The following OR2L13 variants were observed in gnomAD, a reference collection of about 807,000 sequenced individuals.
OR2L13 encodes olfactory receptor 2L13.
OR2L13 carries 14 observed loss-of-function variants against 15.3 expected under a neutral mutation model. That is an observed-to-expected ratio of 0.91 (90% confidence interval 0.60 to 1.43). The LOEUF is 1.43. Among genes scored for constraint, OR2L13 ranks in the 40% most tolerant of loss-of-function variants. The probability of loss-of-function intolerance (pLI) is 0.00; values close to 1 mark genes in which losing one functional copy is unlikely to be tolerated. For missense variants in OR2L13, 367 were observed against 387.9 expected (o/e 0.95, Z 0.45); for synonymous variants, 152 against 142.9 (o/e 1.06, Z -0.45).
chr1:248,003,545 G>C, the OR2L13 span: 1 of 1,612,618 alleles, frequency 6.2e-7, no homozygotes, highest in Non-Finnish European at 8.5e-7. Context: ...GAGCAAAAGA[G>C]TGTGTGTGCT....
chr1:247,971,527 C>G, the OR2L13 span, among the ~76,000 whole-genome samples: 2 of 152,160 alleles, frequency 1.3e-5, no homozygotes, highest in Non-Finnish European at 2.9e-5. Flanking sequence ...TCCATATTCT[C>G]TTTCAGACAC....
chr1:248,027,188 C>G, the OR2L13 span, among the ~76,000 whole-genome samples: 1 of 152,146 alleles, frequency 6.6e-6, no homozygotes, highest in Non-Finnish European at 1.5e-5. Flanking sequence ...AGATAAGGGA[C>G]GAAATAAGCC....
chr1:248,039,057 C>G, the OR2L13 span: 1 of 1,613,982 alleles, frequency 6.2e-7, no homozygotes, highest in African/African-American at 1.3e-5. Flanking sequence ...TCCAAGATCC[C>G]TGCGATCTCC....
the OR2L13 span, among the ~76,000 whole-genome samples, chr1:248,016,248 T>C: frequency 2.0e-5 from 3 of 152,228 alleles, no homozygotes; most frequent in Non-Finnish European, 4.4e-5. Flanking sequence ...ATTTGTAGAA[T>C]TGTAATTATT....
chr1:247,954,860 T>A, the OR2L13 span, among the ~76,000 whole-genome samples: 1 of 152,106 alleles, frequency 6.6e-6, no homozygotes, highest in Non-Finnish European at 1.5e-5. Flanking sequence ...TTTCTCAAAA[T>A]TACAATTATG....
At chr1:248,062,855 T>C in the OR2L13 span, 7 of 152,212 alleles carry the variant, frequency 4.6e-5, no homozygotes, top group African/African-American at 1.7e-4. Context: ...TCCGCAATTA[T>C]ATATTACTAT....
At chr1:248,068,508 C>T in the OR2L13 span, among the ~76,000 whole-genome samples, 2 of 152,030 alleles carry the variant, frequency 1.3e-5, no homozygotes, top group Non-Finnish European at 2.9e-5. Context: ...ACATCACCAT[C>T]ATCAAAGACA....
the OR2L13 span, chr1:247,974,846 A>G: frequency 3.7e-3 from 874 of 234,334 alleles, 6 homozygotes; most frequent in African/African-American, 0.016. Flanking sequence ...TCATTTTGCT[A>G]TTGGCTTTAA....
chr1:248,085,080 C>G, the OR2L13 span, among the ~76,000 whole-genome samples: 2 of 152,110 alleles, frequency 1.3e-5, no homozygotes, highest in African/African-American at 4.8e-5. Flanking sequence ...CAAGCCTGTG[C>G]CAAGCCTTGT....
the OR2L13 span, among the ~76,000 whole-genome samples, chr1:247,998,869 T>C: frequency 1.3e-5 from 2 of 152,212 alleles, no homozygotes; most frequent in East Asian, 3.9e-4. Context: ...ATAATAGAAA[T>C]ATCTGCCTTA....
chr1:248,083,026 A>T, the OR2L13 span, among the ~76,000 whole-genome samples: 61 of 152,350 alleles, frequency 4.0e-4, 1 homozygote, highest in East Asian at 1.9e-4. Flanking sequence ...TAAATTTAAA[A>T]AGGTTTGCCT....
the OR2L13 span, among the ~76,000 whole-genome samples, chr1:248,005,478 TTTTATGCC>T: frequency 6.6e-6 from 1 of 152,212 alleles, no homozygotes; most frequent in Non-Finnish European, 1.5e-5. Context: ...AGTTTGGTAC[TTTTATGCC>T]TCCAGGTTTG....
At chr1:248,074,657 A>C in the OR2L13 span, among the ~76,000 whole-genome samples, 1 of 152,154 alleles carries the variant, frequency 6.6e-6, no homozygotes, top group South Asian at 2.1e-4. Flanking sequence ...CATGGTAACA[A>C]AAGACACTGA....
At chr1:247,983,452 A>T in the OR2L13 span, among the ~76,000 whole-genome samples, 1 of 152,192 alleles carries the variant, frequency 6.6e-6, no homozygotes, top group Non-Finnish European at 1.5e-5. Flanking sequence ...ACATTTTATG[A>T]GAATTACAAA....
chr1:248,091,450 G>T (rs367791387), upstream of OR2L13, among the ~76,000 whole-genome samples: 43 of 152,198 alleles, frequency 2.8e-4, no homozygotes, highest in East Asian at 7.5e-3. Context: ...ATCTGAAGTT[G>T]ATTTGTGTAT....
At chr1:248,053,354 T>G in the OR2L13 span, among the ~76,000 whole-genome samples, 1 of 152,260 alleles carries the variant, frequency 6.6e-6, no homozygotes. Context: ...CAGTCTATCA[T>G]TAATGGACAT....
chr1:247,994,737 TG>T, the OR2L13 span, among the ~76,000 whole-genome samples: 1 of 152,092 alleles, frequency 6.6e-6, no homozygotes. Flanking sequence ...GCTAAGACAG[TG>T]GGTTTTAAGT....
At chr1:247,965,992 A>G in the OR2L13 span, 4 of 1,612,128 alleles carry the variant, frequency 2.5e-6, no homozygotes, top group Non-Finnish European at 3.4e-6. Context: ...TGGACTTATT[A>G]TCTTGCTACT....
At chr1:247,981,763 T>C in the OR2L13 span, among the ~76,000 whole-genome samples, 3 of 152,156 alleles carry the variant, frequency 2.0e-5, no homozygotes, top group Non-Finnish European at 2.9e-5. Context: ...TCTTCAATGA[T>C]ACCCTCAGTC....
Sources: gnomAD v4.1 joint callset for allele counts (sites outside exome capture counted in the v4.1 genomes callset) on GRCh38, gnomAD v4.1.1 for gene constraint, MANE v1.5 for transcripts, NCBI Gene and HGNC (gene_info 2026-07-23, HGNC 2026-07-21) for gene names.